PALM2AKAP2: variants seen among roughly 807,000 people sequenced by gnomAD.
PALM2AKAP2 encodes the protein PALM2 and AKAP2 fusion.
PALM2AKAP2 carries 37 observed loss-of-function variants against 71.5 expected under a neutral mutation model. That is an observed-to-expected ratio of 0.52 (90% confidence interval 0.40 to 0.68). The LOEUF is 0.68. Among genes scored for constraint, PALM2AKAP2 ranks in the 30% least tolerant of loss-of-function variants. The pLI, the probability that PALM2AKAP2 is intolerant of heterozygous loss-of-function variation, is 0.00. For synonymous variants in PALM2AKAP2, 468 were observed against 478.8 expected (o/e 0.98, Z 0.29); for missense variants, 1,224 against 1,191.8 (o/e 1.03, Z -0.40).
intron 1 of PALM2AKAP2, among the ~76,000 whole-genome samples, chr9:110,056,047 C>T (rs188837911): frequency 2.6e-5 from 4 of 152,302 alleles, no homozygotes; most frequent in East Asian, 1.9e-4. Flanking sequence ...GGTGCCATGC[C>T]GTCACCCAGT....
At chr9:109,687,041 T>C (rs1587867689) in intron 1 of PALM2AKAP2, among the ~76,000 whole-genome samples, 1 of 152,150 alleles carries the variant, frequency 6.6e-6, no homozygotes, top group South Asian at 2.1e-4. Context: ...TATTCCATGG[T>C]GTATATGTGC....
intron 7 of PALM2AKAP2, among the ~76,000 whole-genome samples, chr9:110,028,064 AG>A (rs1833214384): frequency 1.3e-5 from 2 of 152,190 alleles, no homozygotes; most frequent in African/African-American, 4.8e-5. Context: ...TGGATCTCAG[AG>A]GGGGTTTGGC....
intron 1 of PALM2AKAP2, among the ~76,000 whole-genome samples, chr9:109,646,483 A>T (rs1827156432): frequency 6.6e-6 from 1 of 152,242 alleles, no homozygotes; most frequent in African/African-American, 2.4e-5. Flanking sequence ...CACCAGTCAG[A>T]TGCCTGTTAT....
chr9:110,165,696 G>A (rs756296529), intron 3 of PALM2AKAP2, among the ~76,000 whole-genome samples: 18 of 152,104 alleles, frequency 1.2e-4, no homozygotes, highest in Non-Finnish European at 2.4e-4. Flanking sequence ...TATACTAAAC[G>A]TTTCCATAAT....
intron 1 of PALM2AKAP2, among the ~76,000 whole-genome samples, chr9:109,789,379 A>G (rs1315759147): frequency 6.6e-6 from 1 of 152,238 alleles, no homozygotes; most frequent in Non-Finnish European, 1.5e-5. Context: ...TGCCAGGAGA[A>G]GCAGCAACTG....
chr9:109,834,374 C>T (rs1292561631), intron 1 of PALM2AKAP2, among the ~76,000 whole-genome samples: 1 of 152,106 alleles, frequency 6.6e-6, no homozygotes, highest in African/African-American at 2.4e-5. Flanking sequence ...TTTTAATTAC[C>T]CTTACTTTTT....
At chr9:110,088,624 C>G (rs1468861620) in intron 1 of PALM2AKAP2, among the ~76,000 whole-genome samples, 3 of 151,032 alleles carry the variant, frequency 2.0e-5, no homozygotes, top group Non-Finnish European at 4.4e-5. Context: ...ACCCTATTCT[C>G]CTGCCTCAAA....
intron 3 of PALM2AKAP2, among the ~76,000 whole-genome samples, chr9:110,156,755 T>G (rs142267827): frequency 6.6e-6 from 1 of 152,188 alleles, no homozygotes; most frequent in East Asian, 1.9e-4. Flanking sequence ...AAGGCTAGTG[T>G]GTAAGATGTT....
intron 1 of PALM2AKAP2, among the ~76,000 whole-genome samples, chr9:109,784,713 G>T (rs980075967): frequency 3.9e-5 from 6 of 152,252 alleles, no homozygotes; most frequent in Admixed American, 2.6e-4. Context: ...GCCAGGATTT[G>T]AATGCTGCCC....
chr9:109,791,436 G>A (rs1220927778), intron 1 of PALM2AKAP2, among the ~76,000 whole-genome samples: 4 of 152,172 alleles, frequency 2.6e-5, no homozygotes, highest in Non-Finnish European at 5.9e-5. Context: ...AGAAAAGCAG[G>A]AAGCAGCCTG....
chr9:109,829,432 C>G (rs1484383113), intron 1 of PALM2AKAP2, among the ~76,000 whole-genome samples: 1 of 152,168 alleles, frequency 6.6e-6, no homozygotes, highest in Non-Finnish European at 1.5e-5. Context: ...GTTTCCCCAG[C>G]ACCCTGGAGC....
chr9:110,152,445 G>A (rs1836342932), intron 2 of PALM2AKAP2, among the ~76,000 whole-genome samples: 1 of 152,126 alleles, frequency 6.6e-6, no homozygotes, highest in African/African-American at 2.4e-5. Context: ...GATGCACACT[G>A]GATCAGTGAA....
chr9:109,727,320 C>A (rs1259455271), intron 1 of PALM2AKAP2, among the ~76,000 whole-genome samples: 1 of 152,118 alleles, frequency 6.6e-6, no homozygotes, highest in South Asian at 2.1e-4. Context: ...ATTTTATATT[C>A]ATGATTGGTC....
rs79603386 is a variant in PALM2AKAP2, at chr9:109,863,602, G to T, written c.46-3889G>T. ...GGTTTTGTCCTGGTTAAGGGAAGGA[G>T]AAATCTGGAAACCAGTGGGCTATCC... On this transcript the variant is annotated intron_variant, in intron 1 of 9. Transcript: ENST00000302798. Among the ~76,000 whole-genome samples the T allele has an allele frequency of 2.5e-3, 376 of 152,282 alleles. 1 individual carries two copies. Among genetic ancestry groups the T allele is most frequent in the Admixed American group, 7.2e-3 (110 of 15,304 alleles).
At chr9:109,708,315 A>G (rs1226209454) in intron 1 of PALM2AKAP2, among the ~76,000 whole-genome samples, 3 of 143,640 alleles carry the variant, frequency 2.1e-5, no homozygotes, top group African/African-American at 9.0e-5. Context: ...GGCTCAACTT[A>G]CTATAGACAG....
At chr9:109,810,319 C>A (rs759335038) in intron 1 of PALM2AKAP2, among the ~76,000 whole-genome samples, 1 of 152,102 alleles carries the variant, frequency 6.6e-6, no homozygotes, top group Non-Finnish European at 1.5e-5. Context: ...TGGACTGTTA[C>A]AGGAGATGGT....
At chr9:109,996,884 A>C (rs568877469) in intron 6 of PALM2AKAP2, among the ~76,000 whole-genome samples, 30 of 152,232 alleles carry the variant, frequency 2.0e-4, no homozygotes, top group Admixed American at 3.3e-4. Flanking sequence ...GTGTGTGTGC[A>C]TGTGTGTACA....
chr9:109,799,679 A>G (rs1827365623), intron 1 of PALM2AKAP2, among the ~76,000 whole-genome samples: 1 of 152,064 alleles, frequency 6.6e-6, no homozygotes, highest in African/African-American at 2.4e-5. Context: ...TATTTTTTGT[A>G]GAGATGGGGT....
At chr9:109,699,088 G>A (rs1228922330) in intron 1 of PALM2AKAP2, among the ~76,000 whole-genome samples, 4 of 152,298 alleles carry the variant, frequency 2.6e-5, no homozygotes, top group East Asian at 1.9e-4. Context: ...TGGGCAAGTC[G>A]TGCTTAAAAA....
Sources: gnomAD v4.1 joint callset for allele counts (sites outside exome capture counted in the v4.1 genomes callset) on GRCh38, gnomAD v4.1.1 for gene constraint, MANE v1.5 for transcripts, NCBI Gene and HGNC (gene_info 2026-07-23, HGNC 2026-07-21) for gene names.